The following TRAF3IP2 variants were observed in gnomAD, a reference collection of about 807,000 sequenced individuals.
The protein encoded by TRAF3IP2 is E3 ubiquitin ligase TRAF3IP2.
Under a neutral mutation model 57.9 loss-of-function variants are expected in TRAF3IP2, and 35 were observed. The ratio of observed to expected loss-of-function variants is 0.60; its 90% CI spans 0.46 to 0.80. TRAF3IP2 has a LOEUF of 0.80. Ranked by LOEUF, TRAF3IP2 falls within the 30% of genes least tolerant of loss-of-function variation. The pLI is 0.00. For missense variants in TRAF3IP2, 556 were observed against 706.4 expected, an observed-to-expected ratio of 0.79 and a Z score of 2.41; for synonymous variants, 251 against 268.9, an observed-to-expected ratio of 0.93 and a Z score of 0.65.
rs1321760117 is a variant in TRAF3IP2, at chr6:111,566,471, G to C, written c.1449C>G (p.Gly483=). 6.2e-7 allele frequency: 1 copy of C among 1,613,964 alleles called. No individual in the cohort carries two copies. Among genetic ancestry groups the C allele is most frequent in the Non-Finnish European group, 8.5e-7 (1 of 1,179,960 alleles). The change falls in exon 7 of 9, where the codon GGC becomes GGG. Residue 483 remains glycine (G), a synonymous_variant. Transcript: ENST00000368761. ...AESQLDEDEH[G]LHTKYIHRMM... Reference sequence around the variant, plus strand: ...TTCGATGAATGTACTTAGTATGTAAGCCATGCTCATCCTCGTCCAGCTGCG... The same window carrying C: ...TTCGATGAATGTACTTAGTATGTAACCCATGCTCATCCTCGTCCAGCTGCG...
chr6:111,562,612 G>A (rs1478441700), intron 8 of TRAF3IP2, among the ~76,000 whole-genome samples: 1 of 152,094 alleles, frequency 6.6e-6, no homozygotes, highest in Non-Finnish European at 1.5e-5. Flanking sequence ...GGGAGGCTGA[G>A]GCAGGCAGAT....
At chr6:111,571,585 A>G (rs1795833728) in intron 5 of TRAF3IP2, among the ~76,000 whole-genome samples, 1 of 152,190 alleles carries the variant, frequency 6.6e-6, no homozygotes, top group Admixed American at 6.5e-5. Flanking sequence ...GTTGGATTGT[A>G]TAAGTTGTAT....
At chr6:111,601,922 T>A (rs184541055) in intron 1 of TRAF3IP2, 1 of 152,226 alleles carries the variant, frequency 6.6e-6, no homozygotes, top group African/African-American at 2.4e-5. Flanking sequence ...CAAACTTTCA[T>A]AACACTGGTT....
At position 111,591,211 on chromosome 6, in the gene TRAF3IP2, T is replaced by C. The variant is rs745778025; in HGVS notation, c.829+47A>G. ...AGCATTGATGTGAGGCCCTTGTTTCTTCAGTCACCCAGCCCAGAATGCCCA... is the reference window on the plus strand; with the variant it reads ...AGCATTGATGTGAGGCCCTTGTTTCCTCAGTCACCCAGCCCAGAATGCCCA... On this transcript the variant is annotated intron_variant, in intron 2 of 8. Coordinates refer to ENST00000368761, the MANE Select transcript of TRAF3IP2 (RefSeq NM_147686.4). This position sits in a 1 kb window ranked among gnomAD's most constrained non-coding sequence, Gnocchi z 4.9. 7.1e-7 allele frequency: 1 copy of C among 1,415,126 alleles called. No individual in the cohort carries two copies. The highest frequency in any genetic ancestry group is 2.3e-5 in the East Asian group (1 of 42,660). 87.7% of individuals were successfully genotyped at this position (1,415,126 alleles called of 1,614,324 possible). A position where few individuals can be genotyped will look rare whatever the true frequency, so the allele number is the denominator to read the frequency against.
At chr6:111,604,040 G>A (rs976582754) in intron 1 of TRAF3IP2, among the ~76,000 whole-genome samples, 1 of 152,190 alleles carries the variant, frequency 6.6e-6, no homozygotes, top group Non-Finnish European at 1.5e-5. Context: ...CTCATTGCAG[G>A]TGAAATATCT....
At chr6:111,603,175 A>C (rs74692262) in intron 1 of TRAF3IP2, among the ~76,000 whole-genome samples, 1 of 152,332 alleles carries the variant, frequency 6.6e-6, no homozygotes, top group East Asian at 1.9e-4. Flanking sequence ...GTGTGCTTCT[A>C]GGAGGCCTGC....
intron 1 of TRAF3IP2, chr6:111,600,187 C>T (rs912281965): frequency 3.9e-5 from 6 of 152,172 alleles, no homozygotes; most frequent in African/African-American, 7.2e-5. Flanking sequence ...TTTACCGCAA[C>T]GACAACTGCA....
chr6:111,575,919 C>A (rs1342661447), intron 3 of TRAF3IP2, 98 bp from the exon 4 acceptor site: 10 of 1,074,536 alleles, frequency 9.3e-6, no homozygotes, highest in Non-Finnish European at 1.2e-5. Context: ...TCCCAGTGGG[C>A]TCTCTCTCCT....
chr6:111,566,638 G>A, intron 6 of TRAF3IP2, 78 bp from the exon 7 acceptor site: 1 of 1,235,460 alleles, frequency 8.1e-7, no homozygotes, highest in Non-Finnish European at 1.2e-6. Context: ...ACACGGGGTG[G>A]AGGGCCAGGC....
intron 1 of TRAF3IP2, among the ~76,000 whole-genome samples, chr6:111,596,556 C>A (rs557374348): frequency 6.6e-6 from 1 of 152,196 alleles, no homozygotes. Flanking sequence ...CGGGTTCAAG[C>A]GATTCTCATG....
rs1249427850 is a variant in TRAF3IP2 at position 111,559,251 on chromosome 6, G to A, written c.*154C>T. ...GGTGTGTGGAGGTCTCCGGGGAAGA[G>A]CTCTGCACAACAGGTTTCCTGGGGG... On this transcript the variant is annotated 3_prime_UTR_variant, in exon 9 of 9. Transcript: ENST00000368761. The A allele has an allele frequency of 6.9e-6, 7 of 1,007,980 alleles. No individual in the cohort carries two copies. The highest frequency in any genetic ancestry group is 2.4e-5 in the East Asian group (1 of 40,892). The allele number at this position is 1,007,980 out of a possible 1,614,324, so 62.4% of individuals were successfully genotyped here.
At chr6:111,563,508 G>A (rs922124798) in intron 7 of TRAF3IP2, among the ~76,000 whole-genome samples, 4 of 152,170 alleles carry the variant, frequency 2.6e-5, no homozygotes, top group African/African-American at 7.2e-5. Flanking sequence ...CTAGTGAGCA[G>A]GCAGAAAGGG....
rs200469044 is a variant in TRAF3IP2 at position 111,591,971 on chromosome 6, A to C, written c.116T>G (p.Ile39Arg). 1.2e-6 allele frequency: 2 copies of C among 1,614,182 alleles called. No individual in the cohort carries two copies. The highest frequency in any genetic ancestry group is 1.7e-6 in the Non-Finnish European group (2 of 1,180,030). The change falls in exon 2 of 9, where the codon ATA becomes AGA. Residue 39 changes from isoleucine (I) to arginine (R), a missense_variant. By Grantham distance (97) the Ile-to-Arg change is moderately conservative (BLOSUM62 -3). Around this residue, in one of 2 missense-constraint regions of TRAF3IP2, gnomAD observed 428 missense variants for 498.7 expected, o/e 0.86. Coordinates refer to ENST00000368761, the MANE Select transcript of TRAF3IP2 (RefSeq NM_147686.4). This position sits in a 1 kb window ranked among gnomAD's most constrained non-coding sequence, Gnocchi z 4.9. The stretch of plus-strand genomic sequence containing the variant: ...CAAGCTGTTGGGTGCCATGTTCCTT[A>C]TATTTGGAGCAGGTGGTTCTGATTC... Reference protein sequence around the residue: ...EEESEPPAPNIRNMAPNSLSA... With the variant: ...EEESEPPAPNRRNMAPNSLSA...
At chr6:111,567,715 G>A in intron 5 of TRAF3IP2, 23 bp from the exon 6 acceptor site, 1 of 1,592,042 alleles carries the variant, frequency 6.3e-7, no homozygotes, top group Non-Finnish European at 8.5e-7. Context: ...AGATGTGGGA[G>A]TTGGCCCTTA....
intron 1 of TRAF3IP2, among the ~76,000 whole-genome samples, chr6:111,604,492 A>G (rs1400977551): frequency 6.6e-6 from 1 of 152,234 alleles, no homozygotes; most frequent in Non-Finnish European, 1.5e-5. Context: ...AATAGCACAG[A>G]CTATCCTTCC....
intron 1 of TRAF3IP2, among the ~76,000 whole-genome samples, chr6:111,593,153 G>C (rs1365122570): frequency 6.6e-6 from 1 of 152,234 alleles, no homozygotes; most frequent in Non-Finnish European, 1.5e-5. Flanking sequence ...GGAGGCTGCA[G>C]AGCAGGTGTC....
chr6:111,575,652 C>CTGGCAAATTGAT lies in TRAF3IP2; in HGVS notation c.1191_1192insATCAATTTGCCA (p.Pro397_Glu398insIleAsnLeuPro). ...GTTGCAAACAACTTACGCAATTCTT[C>CTGGCAAATTGAT]TGGCAAATTGCTTGTTTTTAGAGTT... On this transcript the variant is annotated inframe_insertion, in exon 4 of 9. Coordinates refer to ENST00000368761, the MANE Select transcript of TRAF3IP2 (RefSeq NM_147686.4). The CTGGCAAATTGAT allele has an allele frequency of 6.2e-7, 1 of 1,609,794 alleles. No homozygotes were observed. Among genetic ancestry groups the CTGGCAAATTGAT allele is most frequent in the Non-Finnish European group, 8.5e-7 (1 of 1,178,328 alleles).
At chr6:111,565,259 G>T (rs1795595278) in intron 7 of TRAF3IP2, 1 of 152,090 alleles carries the variant, frequency 6.6e-6, no homozygotes, top group Non-Finnish European at 1.5e-5. Context: ...GACAGACCTG[G>T]GACCTACATC....
At chr6:111,575,220 G>A (rs1269908248) in intron 4 of TRAF3IP2, among the ~76,000 whole-genome samples, 18 of 151,864 alleles carry the variant, frequency 1.2e-4, no homozygotes, top group Admixed American at 1.2e-3. Context: ...GTGAGACCCT[G>A]TCTTAAAAAA....
Sources: gnomAD v4.1 joint callset for allele counts (sites outside exome capture counted in the v4.1 genomes callset) on GRCh38, gnomAD v4.1.1 for gene constraint, gnomAD v4.1.1 regional missense constraint, Gnocchi (gnomAD v3.1) non-coding constraint, MANE v1.5 for transcripts, NCBI Gene and HGNC (gene_info 2026-07-23, HGNC 2026-07-21) for gene names.